CDH6: variants seen among roughly 807,000 people sequenced by gnomAD.
CDH6 encodes the protein cadherin 6.
CDH6 carries 31 observed loss-of-function variants against 78.0 expected under a neutral mutation model. The ratio of observed to expected loss-of-function variants is 0.40; its 90% CI spans 0.30 to 0.54. The LOEUF (loss-of-function observed/expected upper bound fraction) is 0.54, where lower values mean the gene tolerates loss of function less well. Among genes scored for constraint, CDH6 ranks in the 20% least tolerant of loss-of-function variants. CDH6 has a pLI of 0.56. For synonymous variants in CDH6, 376 were observed against 368.8 expected (o/e 1.02, Z -0.23); for missense variants, 724 against 975.9 (o/e 0.74, Z 3.44).
chr5:31,286,051 T>C (rs1484238115), intron 2 of CDH6, among the ~76,000 whole-genome samples: 1 of 152,234 alleles, frequency 6.6e-6, no homozygotes, highest in Non-Finnish European at 1.5e-5. Flanking sequence ...TTATTGAGTG[T>C]CTGCTATGTG....
chr5:31,313,028 C>G (rs1197776373), intron 7 of CDH6, among the ~76,000 whole-genome samples: 1 of 151,610 alleles, frequency 6.6e-6, no homozygotes, highest in Non-Finnish European at 1.5e-5. Flanking sequence ...ACTATATAAA[C>G]TTGATCCAAA....
intron 1 of CDH6, among the ~76,000 whole-genome samples, chr5:31,214,455 G>A (rs553723164): frequency 1.3e-5 from 2 of 152,128 alleles, no homozygotes; most frequent in South Asian, 2.1e-4. Flanking sequence ...GATCTGTGTC[G>A]CATATTGAAT....
At chr5:31,236,913 G>T (rs923754996) in intron 1 of CDH6, among the ~76,000 whole-genome samples, 3 of 152,112 alleles carry the variant, frequency 2.0e-5, no homozygotes, top group African/African-American at 7.2e-5. Context: ...CTTGGGGAGT[G>T]CTGTGGAATC....
intron 1 of CDH6, among the ~76,000 whole-genome samples, chr5:31,255,197 C>G (rs1742024006): frequency 6.6e-6 from 1 of 152,214 alleles, no homozygotes; most frequent in South Asian, 2.1e-4. Context: ...TTTTGAACAA[C>G]AGCTCCCAGT....
intron 2 of CDH6, among the ~76,000 whole-genome samples, chr5:31,269,562 A>C (rs566968424): frequency 6.6e-6 from 1 of 151,956 alleles, no homozygotes; most frequent in Non-Finnish European, 1.5e-5. Flanking sequence ...CACTAGTGAC[A>C]GGGACAAAGT....
chr5:31,273,263 T>C lies in CDH6; in HGVS notation c.228+5562T>C, dbSNP rs535456518. 3.3e-5 allele frequency among the ~76,000 whole-genome samples: 5 copies of C among 152,310 alleles called. No homozygotes were observed. In the East Asian group the frequency reaches 9.6e-4, roughly 29 times the overall value. ...TAATTTTTTTTTCCTAAAAAGAGCA[T>C]AAGCTGAAGAATAGAAACCTCCTGG... On this transcript the variant is annotated intron_variant, in intron 2 of 11. Transcript: ENST00000265071.
At chr5:31,239,131 A>T (rs1336300209) in intron 1 of CDH6, among the ~76,000 whole-genome samples, 1 of 152,222 alleles carries the variant, frequency 6.6e-6, no homozygotes, top group African/African-American at 2.4e-5. Context: ...TATGGTAGAT[A>T]CATATTGAAA....
intron 6 of CDH6, among the ~76,000 whole-genome samples, chr5:31,302,886 G>GGAAGGAAA (rs1339286077): frequency 1.9e-4 from 12 of 64,322 alleles, no homozygotes; most frequent in South Asian, 9.7e-4. Flanking sequence ...AAGGAAGGAA[G>GGAAGGAAA]GAAAGAAAGA....
At chr5:31,237,354 C>T (rs1424274769) in intron 1 of CDH6, among the ~76,000 whole-genome samples, 1 of 152,096 alleles carries the variant, frequency 6.6e-6, no homozygotes, top group Admixed American at 6.5e-5. Context: ...TTCCCACATG[C>T]TATCAGCACC....
chr5:31,236,109 C>A (rs1042861915), intron 1 of CDH6, among the ~76,000 whole-genome samples: 2 of 151,902 alleles, frequency 1.3e-5, no homozygotes, highest in Non-Finnish European at 2.9e-5. Context: ...ATTTATTATG[C>A]GGTATAAATT....
intron 1 of CDH6, among the ~76,000 whole-genome samples, chr5:31,261,158 T>A (rs955264837): frequency 2.0e-5 from 3 of 152,318 alleles, no homozygotes; most frequent in Non-Finnish European, 4.4e-5. Context: ...TCATCTTCCT[T>A]ATTTTTTCAT....
At chr5:31,277,988 T>G (rs1742745562) in intron 2 of CDH6, among the ~76,000 whole-genome samples, 1 of 152,162 alleles carries the variant, frequency 6.6e-6, no homozygotes, top group Non-Finnish European at 1.5e-5. Flanking sequence ...CTCACATAGT[T>G]ACCATTTGTG....
Position 31,325,898 on chromosome 5 carries a change from T to A in CDH6, c.*2590T>A. 4.3e-6 allele frequency: 1 copy of A among 232,136 alleles called. No homozygotes were observed. Among genetic ancestry groups the A allele is most frequent in the East Asian group, 6.1e-5 (1 of 16,372 alleles). The allele number at this position is 232,136 out of a possible 1,614,324, so 14.4% of individuals were successfully genotyped here. A position where few individuals can be genotyped will look rare whatever the true frequency, so the allele number is the denominator to read the frequency against. On this transcript the variant is annotated 3_prime_UTR_variant, in exon 12 of 12. Transcript: ENST00000265071. ...GTATCAAGTTGGAGTGACGTTTTCC[T>A]ATAATTCAGACTCTTTGACATCGTG...
intron 11 of CDH6, chr5:31,318,242 T>C: frequency 1.7e-6 from 1 of 574,946 alleles, no homozygotes; most frequent in Non-Finnish European, 3.1e-6. Flanking sequence ...ATTCGTTGTG[T>C]AATTTTTTTA....
chr5:31,215,075 A>G (rs940182898), intron 1 of CDH6, among the ~76,000 whole-genome samples: 4 of 152,236 alleles, frequency 2.6e-5, no homozygotes, highest in South Asian at 2.1e-4. Flanking sequence ...AACTATAATT[A>G]GAAGAAAAGT....
intron 1 of CDH6, among the ~76,000 whole-genome samples, chr5:31,252,006 T>A (rs1741922098): frequency 6.6e-6 from 1 of 152,192 alleles, no homozygotes; most frequent in South Asian, 2.1e-4. Context: ...TTAGTCCATA[T>A]CCATCAAGAA....
chr5:31,259,697 G>A (rs953708539), intron 1 of CDH6, among the ~76,000 whole-genome samples: 1 of 152,180 alleles, frequency 6.6e-6, no homozygotes, highest in Non-Finnish European at 1.5e-5. Flanking sequence ...GTATAAAAAT[G>A]CTTTCTCTTC....
intron 1 of CDH6, among the ~76,000 whole-genome samples, chr5:31,213,257 T>G (rs953602658): frequency 5.9e-5 from 9 of 152,086 alleles, no homozygotes; most frequent in Non-Finnish European, 1.0e-4. Flanking sequence ...AATCCACCCA[T>G]CAGAAAATCT....
intron 2 of CDH6, among the ~76,000 whole-genome samples, chr5:31,289,958 G>A (rs892028616): frequency 2.0e-5 from 3 of 151,554 alleles, no homozygotes; most frequent in Admixed American, 6.6e-5. Flanking sequence ...TTGCCAAGAT[G>A]CTGTATTAAA....
Sources: gnomAD v4.1 joint callset for allele counts (sites outside exome capture counted in the v4.1 genomes callset) on GRCh38, gnomAD v4.1.1 for gene constraint, MANE v1.5 for transcripts, NCBI Gene and HGNC (gene_info 2026-07-23, HGNC 2026-07-21) for gene names.